Variants in NAV3 observed in about 807,000 individuals in gnomAD.
NAV3 encodes the protein neuron navigator 3.
Under a neutral mutation model 244.7 loss-of-function variants are expected in NAV3, and 87 were observed. The observed-to-expected ratio is 0.36, with a 90% CI of 0.30 to 0.42. The LOEUF (loss-of-function observed/expected upper bound fraction) is 0.42, where lower values mean the gene tolerates loss of function less well. Among genes scored for constraint, NAV3 ranks in the 20% least tolerant of loss-of-function variants. NAV3 has a pLI of 1.00. For synonymous variants in NAV3, 1,126 were observed against 1,042.2 expected (o/e 1.08, Z -1.55); for missense variants, 2,663 against 2,893.3 (o/e 0.92, Z 1.83).
At chr12:77,966,085 C>A (rs911697769) in intron 3 of NAV3, 144 bp from the exon 4 acceptor site, 1 of 718,678 alleles carries the variant, frequency 1.4e-6, no homozygotes, top group Non-Finnish European at 2.4e-6. Flanking sequence ...CAAAATAATT[C>A]TAGTTAAACT....
rs1873672741 is a variant in NAV3, at chr12:77,831,452, T to C, written c.-10T>C. On this transcript the variant is annotated 5_prime_UTR_variant, in exon 1 of 40. Transcript: ENST00000397909. Reference sequence around the variant, plus strand: ...TTCTTTGGCAGCAAGAAGATAATTTTATAGAAGCCATGCCTGTTCTTGGGG... The same window carrying C: ...TTCTTTGGCAGCAAGAAGATAATTTCATAGAAGCCATGCCTGTTCTTGGGG... 6.3e-7 allele frequency: 1 copy of C among 1,576,248 alleles called. No individual in the cohort carries two copies. The highest frequency in any genetic ancestry group is 2.3e-5 in the East Asian group (1 of 44,420).
intron 31 of NAV3, among the ~76,000 whole-genome samples, chr12:78,186,593 C>T (rs528975919): frequency 2.0e-5 from 3 of 151,874 alleles, no homozygotes; most frequent in African/African-American, 7.2e-5. Flanking sequence ...TAAGGTATTG[C>T]ATAAGCAGTA....
chr12:78,085,516 T>C (rs1236736176), intron 12 of NAV3, among the ~76,000 whole-genome samples: 2 of 152,158 alleles, frequency 1.3e-5, no homozygotes, highest in Non-Finnish European at 1.5e-5. Context: ...TTGTAAATAA[T>C]CATACAACTT....
chr12:78,194,585 A>G (rs1361072732), intron 34 of NAV3, among the ~76,000 whole-genome samples: 1 of 151,982 alleles, frequency 6.6e-6, no homozygotes, highest in Non-Finnish European at 1.5e-5. Flanking sequence ...CTTCCTTTCA[A>G]TATGCTCACC....
intron 32 of NAV3, 133 bp downstream of exon 32, chr12:78,188,476 T>G (rs1958825681): frequency 1.8e-5 from 21 of 1,157,430 alleles, no homozygotes; most frequent in Non-Finnish European, 2.6e-5. Flanking sequence ...TTGTGCTATT[T>G]GATATTAACA....
intron 3 of NAV3, among the ~76,000 whole-genome samples, chr12:77,949,237 T>G (rs1890648941): frequency 6.6e-6 from 1 of 152,092 alleles, no homozygotes; most frequent in African/African-American, 2.4e-5. Flanking sequence ...CACTTATTTA[T>G]TGAACATCAA....
At chr12:78,102,593 C>A (rs532069143) in intron 12 of NAV3, among the ~76,000 whole-genome samples, 116 of 152,342 alleles carry the variant, frequency 7.6e-4, no homozygotes, top group Admixed American at 2.2e-3. Context: ...GGGGCTCTGA[C>A]CCCAGATTTC....
chr12:77,994,900 T>A (rs1226775005), intron 6 of NAV3, 29 bp downstream of exon 6: 1 of 1,449,908 alleles, frequency 6.9e-7, no homozygotes, highest in Non-Finnish European at 9.6e-7. Flanking sequence ...ATTTATTGCT[T>A]ATTAGTGATA....
intron 2 of NAV3, among the ~76,000 whole-genome samples, chr12:77,798,239 G>A (rs970440415): frequency 1.6e-4 from 24 of 152,078 alleles, no homozygotes; most frequent in Non-Finnish European, 1.6e-4. Context: ...TGTTTGATGA[G>A]TGAGAAAGAA....
intron 1 of NAV3, among the ~76,000 whole-genome samples, chr12:77,882,534 G>A (rs550686020): frequency 6.6e-6 from 1 of 151,942 alleles, no homozygotes; most frequent in Non-Finnish European, 1.5e-5. Flanking sequence ...AGAATTTCTG[G>A]CTAAGTCCCC....
At chr12:78,137,779 T>G (rs554603119) in intron 19 of NAV3, among the ~76,000 whole-genome samples, 147 of 152,296 alleles carry the variant, frequency 9.7e-4, no homozygotes, top group African/African-American at 3.4e-3. Flanking sequence ...GAATTCCCTC[T>G]GGTGCTAATT....
At chr12:77,861,425 T>G (rs1462667387) in intron 1 of NAV3, among the ~76,000 whole-genome samples, 4 of 151,870 alleles carry the variant, frequency 2.6e-5, no homozygotes, top group Non-Finnish European at 5.9e-5. Context: ...CTAAGAAATC[T>G]GGAATGGTTG....
Position 78,168,812 on chromosome 12 carries a change from G to A in NAV3, c.4927G>A (p.Ala1643Thr). The change falls in exon 24 of 40, where the codon GCT (alanine) becomes ACT (threonine). Residue 1643 changes from alanine to threonine, a missense_variant. Physicochemically the swap from Ala to Thr is moderately conservative, Grantham distance 58. This residue lies in a region of NAV3 where 48 missense variants were observed against 90.0 expected (regional missense o/e 0.53). Transcript: ENST00000397909. ...TIEMLKAQNS[A>T]AQAAIQGALN... ...TGAAATGCTGAAGGCTCAGAATTCT[G>A]CTGCCCAGGCGGCTATTCAGGGAGC... The A allele has an allele frequency of 6.2e-7, 1 of 1,610,694 alleles. No individual in the cohort carries two copies. The highest frequency in any genetic ancestry group is 1.3e-5 in the African/African-American group (1 of 74,770).
At position 77,643,715 on chromosome 12, in the gene NAV3, T is replaced by C. The variant is rs954474495; in HGVS notation, c.72+71449T>C. Among the ~76,000 whole-genome samples, 3 of 151,944 alleles carry C rather than the reference T, an allele frequency of 2.0e-5. No individual in the cohort carries two copies. In the East Asian group the frequency reaches 5.8e-4, roughly 29 times the overall value. On this transcript the variant is annotated intron_variant, in intron 2 of 8. Transcript: ENST00000550042. ...ATTTATTCATTCTTAACAATTATAT[T>C]TGGAAAATTTCATGAGTTATTAGAT...
At chr12:78,132,681 T>A (rs938300597) in intron 18 of NAV3, among the ~76,000 whole-genome samples, 2 of 151,960 alleles carry the variant, frequency 1.3e-5, no homozygotes, top group East Asian at 3.8e-4. Flanking sequence ...TCCTGTAGAC[T>A]TTTTTTTATC....
chr12:77,749,313 T>C (rs989295781), intron 2 of NAV3, among the ~76,000 whole-genome samples: 1 of 152,234 alleles, frequency 6.6e-6, no homozygotes, highest in Non-Finnish European at 1.5e-5. Context: ...GTTGAGATAT[T>C]CAGGGATCAA....
chr12:77,731,070 C>T (rs1016354762), intron 2 of NAV3, among the ~76,000 whole-genome samples: 1 of 151,906 alleles, frequency 6.6e-6, no homozygotes, highest in African/African-American at 2.4e-5. Flanking sequence ...TCCACTCATA[C>T]AACTTGTGGT....
chr12:77,719,563 A>G (rs1484231633), intron 2 of NAV3, among the ~76,000 whole-genome samples: 1 of 152,148 alleles, frequency 6.6e-6, no homozygotes, highest in Admixed American at 6.5e-5. Flanking sequence ...TGACATAATC[A>G]TATGACTTAT....
At chr12:77,703,112 C>A (rs1481315131) in intron 2 of NAV3, among the ~76,000 whole-genome samples, 1 of 151,916 alleles carries the variant, frequency 6.6e-6, no homozygotes, top group African/African-American at 2.4e-5. Flanking sequence ...TAAATCTGTC[C>A]TGCTCCACCA....
Sources: allele counts gnomAD v4.1 joint callset (sites outside exome capture counted in the v4.1 genomes callset), GRCh38; gene constraint gnomAD v4.1.1; regional missense constraint gnomAD v4.1.1; transcripts MANE v1.5; gene names NCBI Gene and HGNC (gene_info 2026-07-23, HGNC 2026-07-21).